KIF3A: variants seen among roughly 807,000 people sequenced by gnomAD.
KIF3A encodes the protein kinesin-like protein KIF3A.
KIF3A carries 27 observed loss-of-function variants against 92.6 expected under a neutral mutation model. That is an observed-to-expected ratio of 0.29 (90% CI 0.21 to 0.40). KIF3A has a LOEUF of 0.40. Among genes scored for constraint, KIF3A ranks in the 10% least tolerant of loss-of-function variants. KIF3A has a pLI of 1.00. For missense variants in KIF3A, 581 were observed against 872.6 expected, an observed-to-expected ratio of 0.67 and a Z score of 4.21; for synonymous variants, 250 against 275.4, an observed-to-expected ratio of 0.91 and a Z score of 0.92.
chr5:132,690,544 T>C (rs551571493), downstream of KIF3A, among the ~76,000 whole-genome samples: 99 of 152,340 alleles, frequency 6.5e-4, no homozygotes, highest in Non-Finnish European at 1.1e-3. Context: ...TCTGAGAAGA[T>C]GTATATGCTA....
chr5:132,697,096 G>A (rs1213032609), intron 18 of KIF3A, among the ~76,000 whole-genome samples: 1 of 152,172 alleles, frequency 6.6e-6, no homozygotes, highest in Non-Finnish European at 1.5e-5. Flanking sequence ...CATATGTAGG[G>A]ACTTATGGAA....
At chr5:132,726,978 G>A (rs979339441) in intron 2 of KIF3A, among the ~76,000 whole-genome samples, 12 of 152,104 alleles carry the variant, frequency 7.9e-5, no homozygotes, top group Non-Finnish European at 1.3e-4. Context: ...AAGAAAATTC[G>A]CCATTGATAG....
At chr5:132,710,553 T>C (rs1458969964) in intron 9 of KIF3A, among the ~76,000 whole-genome samples, 3 of 151,982 alleles carry the variant, frequency 2.0e-5, no homozygotes, top group African/African-American at 7.3e-5. Flanking sequence ...GAGGTGGAGG[T>C]TGCAGTGAGC....
At chr5:132,736,003 C>T (rs144966111) in intron 1 of KIF3A, among the ~76,000 whole-genome samples, 4 of 152,368 alleles carry the variant, frequency 2.6e-5, no homozygotes, top group Non-Finnish European at 4.4e-5. Flanking sequence ...ATCCCCTCTT[C>T]ACTTAGTTAA....
intron 11 of KIF3A, among the ~76,000 whole-genome samples, chr5:132,704,532 A>T (rs529569931): frequency 6.6e-6 from 1 of 152,120 alleles, no homozygotes; most frequent in African/African-American, 2.4e-5. Flanking sequence ...ATGAATTTCA[A>T]AATAACAAAA....
chr5:132,702,408 A>G, intron 14 of KIF3A, 150 bp downstream of exon 14: 1 of 636,210 alleles, frequency 1.6e-6, no homozygotes, highest in Non-Finnish European at 2.6e-6. Context: ...ATTTAGACTA[A>G]TAGATAAAAT....
At position 132,711,044 on chromosome 5, in the gene KIF3A, T is replaced by A; in HGVS notation, c.1143A>T (p.Ser381=). 1 of 1,610,310 alleles carries A rather than the reference T, an allele frequency of 6.2e-7. No individual in the cohort carries two copies. Among genetic ancestry groups the A allele is most frequent in the Non-Finnish European group, 8.5e-7 (1 of 1,176,544 alleles). Residue 381 remains serine (S), a synonymous_variant, in exon 9 of 19, where the codon TCA becomes TCT. Transcript: ENST00000403231. Reference sequence around the variant, plus strand: ...CCTCTGACCCACTGATATCAGAGCCTGATATTTCTTCTCCTTGGACAGAAA... The same window carrying A: ...CCTCTGACCCACTGATATCAGAGCCAGATATTTCTTCTCCTTGGACAGAAA... ...KKKLEEGEEI[S]GSDISGSEED... is the part of the protein sequence containing the mutation.
chr5:132,702,859 A>G (rs767525733), intron 13 of KIF3A, 26 bp downstream of exon 13: 10 of 1,604,330 alleles, frequency 6.2e-6, no homozygotes, highest in Non-Finnish European at 8.5e-6. Flanking sequence ...GCAAAATACC[A>G]AACTAAAAAC....
At chr5:132,713,595 A>C (rs1753505543) in intron 8 of KIF3A, among the ~76,000 whole-genome samples, 1 of 152,084 alleles carries the variant, frequency 6.6e-6, no homozygotes, top group African/African-American at 2.4e-5. Context: ...GTATTATCAT[A>C]GAATCCAGCA....
intron 8 of KIF3A, among the ~76,000 whole-genome samples, chr5:132,712,598 T>C (rs922890129): frequency 6.6e-6 from 1 of 152,166 alleles, no homozygotes; most frequent in Non-Finnish European, 1.5e-5. Context: ...TGATGAATAC[T>C]AAAAATAGTA....
intron 11 of KIF3A, among the ~76,000 whole-genome samples, chr5:132,705,493 A>G (rs1753180703): frequency 6.6e-6 from 1 of 152,042 alleles, no homozygotes; most frequent in South Asian, 2.1e-4. Context: ...AAGAAGCAGT[A>G]AAATAAAAAG....
intron 4 of KIF3A, among the ~76,000 whole-genome samples, chr5:132,723,957 AAAAC>A (rs1253644426): frequency 2.0e-5 from 3 of 152,234 alleles, no homozygotes; most frequent in African/African-American, 4.8e-5. Context: ...TTACAAGAAA[AAAAC>A]AAACAACCCC....
Position 132,706,376 on chromosome 5 carries a change from T to G in KIF3A, c.1309+75A>C, listed in dbSNP as rs926472061. ...AAAAAACTACTAAATTTTAAAAATT[T>G]AATGTATTTAAATAACATAGTTCTT... On this transcript the variant is annotated intron_variant, in intron 11 of 18. Coordinates refer to ENST00000403231, the MANE Select transcript of KIF3A (RefSeq NM_001300791.2). 3.7e-6 allele frequency: 4 copies of G among 1,069,608 alleles called. No individual in the cohort carries two copies. The African/African-American group carries it at 6.8e-5, about 18-fold the overall frequency. The allele number at this position is 1,069,608 out of a possible 1,614,324, so 66.3% of individuals were successfully genotyped here.
Position 132,734,291 on chromosome 5 carries a change from G to A in KIF3A, c.194C>T (p.Thr65Ile). 6.2e-7 allele frequency: 1 copy of A among 1,613,710 alleles called. No homozygotes were observed. The highest frequency in any genetic ancestry group is 8.5e-7 in the Non-Finnish European group (1 of 1,179,624). ...TTGTTTACTCTCTGGTCCAAAAACA[G>A]TATCAAAAGTAAATGTCTTTGGAGG... Reference protein sequence around the residue: ...NEPPKTFTFDTVFGPESKQLD... With the variant: ...NEPPKTFTFDIVFGPESKQLD... Residue 65 changes from threonine (T) to isoleucine (I), a missense_variant, in exon 2 of 19, where the codon ACT becomes ATT. Transcript: ENST00000403231.
In KIF3A at chr5:132,715,951, A is replaced by C; in HGVS notation, c.955-20T>G. On this transcript the variant is annotated intron_variant, in intron 7 of 18. Coordinates refer to ENST00000403231, the MANE Select transcript of KIF3A (RefSeq NM_001300791.2). ...TGCACACTATTGAATTAGAAATATG[A>C]AACAAATCATTTTACACTTGACAGA... The C allele has an allele frequency of 6.6e-7, 1 of 1,514,040 alleles. No individual in the cohort carries two copies. 93.8% of individuals were successfully genotyped at this position (1,514,040 alleles called of 1,614,324 possible). A position where few individuals can be genotyped will look rare whatever the true frequency, so the allele number is the denominator to read the frequency against.
In KIF3A at chr5:132,724,809, ATATAT is replaced by A. The variant is rs1753967984; in HGVS notation, c.510+1314_510+1318del. Among the ~76,000 whole-genome samples, 79 of 10,498 alleles carry A rather than the reference ATATAT, an allele frequency of 7.5e-3. 2 individuals carry two copies. The highest frequency in any genetic ancestry group is 0.012 in the Non-Finnish European group (46 of 3,962). The allele number at this position is 10,498 out of a possible 152,430, so 6.9% of individuals were successfully genotyped here. A position where few individuals can be genotyped will look rare whatever the true frequency, so the allele number is the denominator to read the frequency against. ...AAGTATAATAAAAAAAAAAAAAAAT[ATATAT>A]ATATATATATATATATATATATATA... On this transcript the variant is annotated intron_variant, in intron 4 of 18. Transcript: ENST00000403231.
intron 2 of KIF3A, among the ~76,000 whole-genome samples, chr5:132,731,640 C>CT (rs1436501312): frequency 6.6e-6 from 1 of 152,054 alleles, no homozygotes; most frequent in African/African-American, 2.4e-5. Flanking sequence ...CCTCCAGGTG[C>CT]TATCAGGTAA....
At chr5:132,696,917 G>A (rs1752858490) in intron 18 of KIF3A, among the ~76,000 whole-genome samples, 1 of 152,212 alleles carries the variant, frequency 6.6e-6, no homozygotes, top group South Asian at 2.1e-4. Context: ...AGATAGTGAA[G>A]GATAGGACAG....
chr5:132,689,424 T>C (rs767056166), downstream of KIF3A, among the ~76,000 whole-genome samples: 1 of 151,342 alleles, frequency 6.6e-6, no homozygotes, highest in Non-Finnish European at 1.5e-5. Context: ...AGAAAGGGAG[T>C]AGGAGGAAAT....
Sources: gnomAD v4.1 joint callset for allele counts (sites outside exome capture counted in the v4.1 genomes callset) on GRCh38, gnomAD v4.1.1 for gene constraint, MANE v1.5 for transcripts, NCBI Gene and HGNC (gene_info 2026-07-23, HGNC 2026-07-21) for gene names.